The following MPPED2 variants were observed in gnomAD, a reference collection of about 807,000 sequenced individuals.
MPPED2 encodes metallophosphoesterase domain containing 2, also known as metallophosphoesterase MPPED2.
Under a neutral mutation model 33.0 loss-of-function variants are expected in MPPED2, and 5 were observed. That is an observed-to-expected ratio of 0.15 (90% CI 0.08 to 0.32). The LOEUF (loss-of-function observed/expected upper bound fraction) is 0.32, where lower values mean the gene tolerates loss of function less well. Ranked by LOEUF, MPPED2 falls within the 10% of genes least tolerant of loss-of-function variation. The pLI is 1.00. For synonymous variants in MPPED2, 136 were observed against 141.9 expected (o/e 0.96, Z 0.29); for missense variants, 275 against 372.1 (o/e 0.74, Z 2.15).
intron 6 of MPPED2, among the ~76,000 whole-genome samples, chr11:30,389,624 G>T (rs1379987835): frequency 2.0e-5 from 3 of 152,090 alleles, no homozygotes. Flanking sequence ...ATCCTGAATG[G>T]CTTCATTTAC....
intron 4 of MPPED2, among the ~76,000 whole-genome samples, chr11:30,470,725 C>T (rs2134057409): frequency 6.6e-6 from 1 of 152,264 alleles, no homozygotes; most frequent in Middle Eastern, 3.4e-3. Flanking sequence ...CCACTCTTCC[C>T]AGCTAAGGGC....
At chr11:30,511,477 G>C (rs76787626) in intron 3 of MPPED2, among the ~76,000 whole-genome samples, 1 of 152,224 alleles carries the variant, frequency 6.6e-6, no homozygotes, top group Non-Finnish European at 1.5e-5. Flanking sequence ...CCAGGAAGGT[G>C]TCTTTGAGGG....
chr11:30,505,519 A>C (rs2134269208), intron 3 of MPPED2, among the ~76,000 whole-genome samples: 1 of 152,328 alleles, frequency 6.6e-6, no homozygotes, highest in Middle Eastern at 3.4e-3. Context: ...AAAGAATCAT[A>C]AGGTAGACTC....
chr11:30,476,292 T>C (rs562806186), intron 4 of MPPED2, among the ~76,000 whole-genome samples: 1 of 152,032 alleles, frequency 6.6e-6, no homozygotes, highest in Non-Finnish European at 1.5e-5. Context: ...CAGTGGTTTA[T>C]GTTGTTTATG....
At chr11:30,539,703 C>A (rs1394543470) in intron 2 of MPPED2, among the ~76,000 whole-genome samples, 1 of 152,142 alleles carries the variant, frequency 6.6e-6, no homozygotes, top group Non-Finnish European at 1.5e-5. Context: ...CTACTATAGC[C>A]TCGACCTCCC....
In MPPED2 at chr11:30,476,271, A is replaced by G. The variant is rs544615399; in HGVS notation, c.536+19025T>C. Among the ~76,000 whole-genome samples, 12 of 152,064 alleles carry G rather than the reference A, an allele frequency of 7.9e-5. No homozygotes were observed. In the South Asian group the frequency reaches 2.1e-3, roughly 26 times the overall value. ...AGACTGAAAATTTTAAAATTTTGTC[A>G]TTATTTTCTTCAGTGGTTTATGTTG... is the stretch of plus-strand genomic sequence containing the variant. On this transcript the variant is annotated intron_variant, in intron 4 of 6. Transcript: ENST00000358117.
At chr11:30,576,934 A>G (rs1330852190) in intron 2 of MPPED2, among the ~76,000 whole-genome samples, 1 of 152,118 alleles carries the variant, frequency 6.6e-6, no homozygotes, top group Non-Finnish European at 1.5e-5. Flanking sequence ...AGTCATTCTT[A>G]GAGAGCTTGG....
intron 3 of MPPED2, among the ~76,000 whole-genome samples, chr11:30,527,869 C>T (rs571648906): frequency 6.6e-6 from 1 of 152,322 alleles, no homozygotes; most frequent in South Asian, 2.1e-4. Context: ...AAAGAGCTGT[C>T]ACTGCACAGC....
chr11:30,446,938 G>A (rs551738139), intron 4 of MPPED2, among the ~76,000 whole-genome samples: 2 of 152,198 alleles, frequency 1.3e-5, no homozygotes, highest in African/African-American at 2.4e-5. Flanking sequence ...TTGCATTAGC[G>A]TTCTGAGAGG....
chr11:30,531,734 G>A (rs1954537010), intron 3 of MPPED2, among the ~76,000 whole-genome samples: 2 of 152,184 alleles, frequency 1.3e-5, no homozygotes, highest in Admixed American at 6.5e-5. Context: ...TACACCAAAT[G>A]GGGAGAATAC....
At chr11:30,516,756 T>C (rs1402492059) in intron 3 of MPPED2, among the ~76,000 whole-genome samples, 1 of 152,134 alleles carries the variant, frequency 6.6e-6, no homozygotes, top group African/African-American at 2.4e-5. Context: ...GTCCAGCAAA[T>C]GCTTTTAAAA....
chr11:30,493,792 T>C (rs1380737546), intron 4 of MPPED2, among the ~76,000 whole-genome samples: 1 of 152,212 alleles, frequency 6.6e-6, no homozygotes, highest in Non-Finnish European at 1.5e-5. Context: ...TTCTCTTCAG[T>C]CCACTGCAAA....
chr11:30,541,919 A>T (rs1276291027), intron 2 of MPPED2, among the ~76,000 whole-genome samples: 1 of 152,224 alleles, frequency 6.6e-6, no homozygotes, highest in South Asian at 2.1e-4. Flanking sequence ...AAAACTTTCC[A>T]ATGTGATATC....
chr11:30,513,305 CT>C (rs1011649427), intron 3 of MPPED2, among the ~76,000 whole-genome samples: 2 of 152,152 alleles, frequency 1.3e-5, no homozygotes, highest in Admixed American at 1.3e-4. Context: ...ATACAGATGA[CT>C]GTTTCTCTTT....
chr11:30,460,075 CA>C (rs1950458396), intron 4 of MPPED2, among the ~76,000 whole-genome samples: 1 of 152,146 alleles, frequency 6.6e-6, no homozygotes. Flanking sequence ...TTGGCACACA[CA>C]AGATCAGGTA....
intron 6 of MPPED2, among the ~76,000 whole-genome samples, chr11:30,403,585 A>G (rs1160468964): frequency 6.6e-6 from 1 of 152,250 alleles, no homozygotes; most frequent in Non-Finnish European, 1.5e-5. Flanking sequence ...TTAATGCTAC[A>G]GAGAGGAATA....
intron 2 of MPPED2, among the ~76,000 whole-genome samples, chr11:30,554,281 T>C (rs536964571): frequency 2.0e-5 from 3 of 152,256 alleles, no homozygotes; most frequent in African/African-American, 7.2e-5. Flanking sequence ...GACAAGTCAT[T>C]CTGCTTGTCT....
chr11:30,402,834 CCA>C (rs1244280565), intron 6 of MPPED2, among the ~76,000 whole-genome samples: 1 of 152,206 alleles, frequency 6.6e-6, no homozygotes, highest in African/African-American at 2.4e-5. Flanking sequence ...TGCCAACTTA[CCA>C]CAGTTTCTGA....
At chr11:30,575,277 G>A (rs372133958) in intron 2 of MPPED2, among the ~76,000 whole-genome samples, 1 of 152,112 alleles carries the variant, frequency 6.6e-6, no homozygotes, top group Non-Finnish European at 1.5e-5. Context: ...AAAGGAAAAT[G>A]TTAACAACTT....
Sources: gnomAD v4.1 joint callset for allele counts (sites outside exome capture counted in the v4.1 genomes callset) on GRCh38, gnomAD v4.1.1 for gene constraint, MANE v1.5 for transcripts, NCBI Gene and HGNC (gene_info 2026-07-23, HGNC 2026-07-21) for gene names.